The following CDH17 variants were observed in gnomAD, a reference collection of about 807,000 sequenced individuals.
CDH17 encodes the protein cadherin 17.
CDH17 carries 67 observed loss-of-function variants against 86.3 expected under a neutral mutation model. That is an observed-to-expected ratio of 0.78 (90% CI 0.64 to 0.95). The LOEUF is 0.95. Ranked by LOEUF, CDH17 falls within the 40% of genes least tolerant of loss-of-function variation. The pLI, the probability that CDH17 is intolerant of heterozygous loss-of-function variation, is 0.00. For missense variants in CDH17, 993 were observed against 1,017.6 expected (o/e 0.98, Z 0.33); for synonymous variants, 367 against 366.4 (o/e 1.00, Z -0.02).
intron 8 of CDH17, 61 bp from the exon 9 acceptor site, chr8:94,170,608 G>T: frequency 1.9e-6 from 3 of 1,546,978 alleles, no homozygotes; most frequent in South Asian, 2.4e-5. Context: ...CAAAAGCAGA[G>T]AAAATCGTTG....
intron 15 of CDH17, among the ~76,000 whole-genome samples, chr8:94,144,831 C>G (rs536500055): frequency 1.3e-5 from 2 of 152,222 alleles, no homozygotes; most frequent in South Asian, 4.2e-4. Context: ...ATCCAAACAG[C>G]CTAATTTTTA....
At chr8:94,185,313 A>ACACACC (rs1359042770) in intron 3 of CDH17, among the ~76,000 whole-genome samples, 96 of 146,726 alleles carry the variant, frequency 6.5e-4, no homozygotes, top group African/African-American at 2.3e-3. Context: ...ACACACACAC[A>ACACACC]CCCCTGTAAA....
chr8:94,130,900 A>T lies in CDH17; in HGVS notation c.2260T>A (p.Leu754Met). The change falls in exon 16 of 18, where the codon TTG (leucine) becomes ATG (methionine). Residue 754 changes from leucine (L) to methionine (M), a missense_variant. By Grantham distance (15) the Leu-to-Met change is conservative. Transcript: ENST00000027335. Reference protein sequence around the residue: ...IRINDGGRPPLEGIVSLPVTF... With the variant: ...IRINDGGRPPMEGIVSLPVTF... ...CCTGGTAAAGAAACAATGCCTTCCAAGGGTGGCCGACCCCCATCATTGATG... is the reference window on the plus strand; with the variant it reads ...CCTGGTAAAGAAACAATGCCTTCCATGGGTGGCCGACCCCCATCATTGATG... 6.2e-7 allele frequency: 1 copy of T among 1,608,456 alleles called. No individual in the cohort carries two copies. Among genetic ancestry groups the T allele is most frequent in the Non-Finnish European group, 8.5e-7 (1 of 1,174,832 alleles).
At chr8:94,144,231 C>A (rs573747147) in intron 15 of CDH17, among the ~76,000 whole-genome samples, 2 of 152,128 alleles carry the variant, frequency 1.3e-5, no homozygotes, top group Non-Finnish European at 2.9e-5. Flanking sequence ...AGCGTCAGAA[C>A]GTACGTCGAC....
intron 15 of CDH17, among the ~76,000 whole-genome samples, chr8:94,137,712 C>G (rs895013141): frequency 2.0e-5 from 3 of 151,720 alleles, no homozygotes; most frequent in African/African-American, 7.3e-5. Context: ...AAAAAAAAAC[C>G]TAACTAACTT....
chr8:94,196,946 A>C (rs1813796390), intron 1 of CDH17, among the ~76,000 whole-genome samples: 1 of 152,166 alleles, frequency 6.6e-6, no homozygotes, highest in Middle Eastern at 3.2e-3. Flanking sequence ...TTCAAGCACT[A>C]TGCAAACATC....
At chr8:94,145,894 C>G (rs1461994198) in intron 15 of CDH17, 34 bp downstream of exon 15, 1 of 1,596,030 alleles carries the variant, frequency 6.3e-7, no homozygotes, top group African/African-American at 1.4e-5. Flanking sequence ...CATCATCCAT[C>G]TATGTTTTTT....
At chr8:94,188,369 CTG>C (rs533282930) in intron 3 of CDH17, among the ~76,000 whole-genome samples, 19 of 152,174 alleles carry the variant, frequency 1.2e-4, no homozygotes, top group African/African-American at 4.3e-4. Flanking sequence ...AGAGGGCCGT[CTG>C]TAAATTTTTG....
At chr8:94,205,625 G>T (rs992017596) in intron 1 of CDH17, among the ~76,000 whole-genome samples, 1 of 151,922 alleles carries the variant, frequency 6.6e-6, no homozygotes, top group Non-Finnish European at 1.5e-5. Context: ...GGGTAGGAGA[G>T]GAAGGGAAAA....
At chr8:94,156,759 T>C (rs1189694245) in intron 12 of CDH17, among the ~76,000 whole-genome samples, 1 of 152,236 alleles carries the variant, frequency 6.6e-6, no homozygotes, top group East Asian at 1.9e-4. Context: ...CTAGCTCTAA[T>C]TAATTAGAAT....
intron 1 of CDH17, among the ~76,000 whole-genome samples, chr8:94,199,059 ATATATATATATATATATATATATATTT>A (rs148220477): frequency 0.44 from 33,177 of 75,948 alleles, 4,758 homozygotes; most frequent in Middle Eastern, 0.49. Context: ...ATATATATAT[ATATATATATATATATATATATATATTT>A]TTTTTTTTTT....
intron 3 of CDH17, among the ~76,000 whole-genome samples, chr8:94,184,668 C>T (rs896530887): frequency 6.6e-6 from 1 of 151,830 alleles, no homozygotes; most frequent in Non-Finnish European, 1.5e-5. Context: ...ATTTGCACGT[C>T]TTTTTAGATA....
chr8:94,182,222 C>T (rs1813499227), intron 3 of CDH17, among the ~76,000 whole-genome samples: 1 of 152,048 alleles, frequency 6.6e-6, no homozygotes, highest in African/African-American at 2.4e-5. Context: ...AACATCAAAC[C>T]TTCAGAAATT....
intron 3 of CDH17, among the ~76,000 whole-genome samples, chr8:94,180,943 C>CAAAAAAA (rs59930370): frequency 1.4e-5 from 1 of 69,784 alleles, no homozygotes; most frequent in Non-Finnish European, 3.2e-5. Context: ...ACAAACAAAC[C>CAAAAAAA]AAAAAAAAAA....
At chr8:94,197,509 G>A (rs1416341539) in intron 1 of CDH17, among the ~76,000 whole-genome samples, 1 of 151,990 alleles carries the variant, frequency 6.6e-6, no homozygotes, top group Non-Finnish European at 1.5e-5. Context: ...CTCCTCACAT[G>A]GAAAACACAT....
intron 15 of CDH17, 149 bp from the exon 16 acceptor site, chr8:94,131,141 T>C (rs1348378711): frequency 1.6e-6 from 1 of 608,160 alleles, no homozygotes; most frequent in African/African-American, 1.8e-5. Context: ...TCATTCCACA[T>C]GTATCTTCCC....
chr8:94,137,031 C>T (rs1364892953), intron 15 of CDH17, among the ~76,000 whole-genome samples: 1 of 152,138 alleles, frequency 6.6e-6, no homozygotes, highest in African/African-American at 2.4e-5. Context: ...CAGAGTGCTA[C>T]CCACCTATAT....
chr8:94,166,166 AG>A (rs1476170869), intron 9 of CDH17, among the ~76,000 whole-genome samples, 190 bp from the exon 10 acceptor site: 3 of 152,222 alleles, frequency 2.0e-5, no homozygotes, highest in Non-Finnish European at 4.4e-5. Flanking sequence ...TTTGTCAGCC[AG>A]GGCTGTCATT....
chr8:94,147,356 C>T (rs1812763646), intron 14 of CDH17, among the ~76,000 whole-genome samples: 1 of 152,156 alleles, frequency 6.6e-6, no homozygotes, highest in Non-Finnish European at 1.5e-5. Flanking sequence ...TGCATTCTAC[C>T]CTTTTTGGTT....
Sources: gnomAD v4.1 joint callset for allele counts (sites outside exome capture counted in the v4.1 genomes callset) on GRCh38, gnomAD v4.1.1 for gene constraint, MANE v1.5 for transcripts, NCBI Gene and HGNC (gene_info 2026-07-23, HGNC 2026-07-21) for gene names.